NOCT: variants seen among roughly 807,000 people sequenced by gnomAD.
NOCT encodes the protein CCR4 carbon catabolite repression 4-like.
In NOCT, 18 loss-of-function variants were observed where a neutral mutation model predicts 35.0. That is an observed-to-expected ratio of 0.51 (90% CI 0.36 to 0.76). The LOEUF is 0.76. NOCT is among the 30% of genes least tolerant of loss of function. The pLI is 0.01. For synonymous variants in NOCT, 235 were observed against 226.3 expected, an observed-to-expected ratio of 1.04 and a Z score of -0.34; for missense variants, 479 against 541.0, an observed-to-expected ratio of 0.89 and a Z score of 1.14.
At chr4:139,036,578 T>C (rs1485212314) in intron 1 of NOCT, among the ~76,000 whole-genome samples, 2 of 152,252 alleles carry the variant, frequency 1.3e-5, no homozygotes, top group East Asian at 3.8e-4. Flanking sequence ...CTGATTGTTT[T>C]AACCCTTATT....
rs923118595 is a variant in NOCT, at chr4:139,045,910, C to T, written c.*436C>T. 1 of 153,484 alleles carries T rather than the reference C, an allele frequency of 6.5e-6. No individual in the cohort carries two copies. The highest frequency in any genetic ancestry group is 2.1e-4 in the South Asian group (1 of 4,864). The allele number at this position is 153,484 out of a possible 1,614,324, so 9.5% of individuals were successfully genotyped here. On this transcript the variant is annotated 3_prime_UTR_variant, in exon 3 of 3. Transcript: ENST00000280614. ...CCTTTAGTCCCTTTTTCAATTAAAA[C>T]CTATGGTGAAAAAGGCGTTTGCACT...
intron 1 of NOCT, among the ~76,000 whole-genome samples, chr4:139,039,170 CAAAAA>C (rs59445691): frequency 2.2e-5 from 2 of 91,336 alleles, no homozygotes; most frequent in South Asian, 4.7e-4. Context: ...GACTCCATTT[CAAAAA>C]AAAAAAAAAA....
chr4:139,036,719 T>TAA (rs1417457548), intron 1 of NOCT, among the ~76,000 whole-genome samples: 4 of 152,158 alleles, frequency 2.6e-5, no homozygotes, highest in Admixed American at 6.6e-5. Context: ...CATAACTCAA[T>TAA]AAAACTACAT....
chr4:139,021,696 T>G lies in NOCT; in HGVS notation c.190+5525T>G, dbSNP rs905114902. ...GTAATTGTGTTCTGGCTTCTTGGAG[T>G]TAGGAAGGGAGATACAGCGTCTGTA... On this transcript the variant is annotated intron_variant, in intron 1 of 2. Coordinates refer to ENST00000280614, the MANE Select transcript of NOCT (RefSeq NM_012118.4). Among the ~76,000 whole-genome samples, 38 of 151,664 alleles carry G rather than the reference T, an allele frequency of 2.5e-4. 1 individual carries two copies. The highest frequency in any genetic ancestry group is 7.3e-4 in the African/African-American group (30 of 41,350).
chr4:139,031,045 T>C (rs373757571), intron 1 of NOCT, among the ~76,000 whole-genome samples: 4 of 152,268 alleles, frequency 2.6e-5, no homozygotes, highest in African/African-American at 9.6e-5. Flanking sequence ...GAGAAGTAAT[T>C]AGACGCTGAA....
At chr4:139,018,089 C>T (rs1726345173) in intron 1 of NOCT, among the ~76,000 whole-genome samples, 1 of 150,732 alleles carries the variant, frequency 6.6e-6, no homozygotes, top group Non-Finnish European at 1.5e-5. Context: ...TTAGATTCCC[C>T]ACCCCCACCC....
In NOCT at chr4:139,041,219, C is replaced by T. The variant is rs371814396; in HGVS notation, c.191-1855C>T. ...AAAGCATGCTTGCATCCTCATTGAC[C>T]TTAATGTTCAAGGACATTTGGTGGT... On this transcript the variant is annotated intron_variant, in intron 1 of 2. Transcript: ENST00000280614. Among the ~76,000 whole-genome samples, 6 of 152,262 alleles carry T rather than the reference C, an allele frequency of 3.9e-5. No homozygotes were observed. In the East Asian group the frequency reaches 1.2e-3, roughly 29 times the overall value.
intron 1 of NOCT, among the ~76,000 whole-genome samples, chr4:139,022,804 T>TA (rs986390501): frequency 7.2e-5 from 11 of 152,118 alleles, no homozygotes; most frequent in African/African-American, 2.2e-4. Context: ...GCTTAGAAGT[T>TA]ACGATGCTGC....
At chr4:139,025,099 G>T (rs1462015309) in intron 1 of NOCT, among the ~76,000 whole-genome samples, 1 of 152,134 alleles carries the variant, frequency 6.6e-6, no homozygotes, top group Non-Finnish European at 1.5e-5. Flanking sequence ...TCCTGATCTG[G>T]TCTGCTTCTC....
At chr4:139,026,555 T>C (rs949588104) in intron 1 of NOCT, among the ~76,000 whole-genome samples, 43 of 147,016 alleles carry the variant, frequency 2.9e-4, no homozygotes, top group African/African-American at 9.6e-4. Context: ...TCATACTTCT[T>C]TTTTTTTTTT....
At chr4:139,025,834 C>CT (rs1726503320) in intron 1 of NOCT, among the ~76,000 whole-genome samples, 1 of 151,836 alleles carries the variant, frequency 6.6e-6, no homozygotes, top group South Asian at 2.1e-4. Flanking sequence ...AATATAGGCA[C>CT]TTTATTTCTT....
intron 1 of NOCT, among the ~76,000 whole-genome samples, chr4:139,037,662 A>T (rs138858924): frequency 6.6e-6 from 1 of 152,246 alleles, no homozygotes; most frequent in African/African-American, 2.4e-5. Context: ...CCCCGTTCTA[A>T]CCCAGATGCC....
intron 2 of NOCT, 71 bp from the exon 3 acceptor site, chr4:139,044,568 G>A (rs1726898485): frequency 2.1e-6 from 2 of 961,396 alleles, no homozygotes; most frequent in Admixed American, 4.2e-5. Flanking sequence ...CTTGAGTGAT[G>A]CCAAACCTCC....
chr4:139,043,416 T>C (rs758801927), intron 2 of NOCT, 73 bp downstream of exon 2: 10 of 1,433,610 alleles, frequency 7.0e-6, no homozygotes, highest in Non-Finnish European at 6.8e-6. Context: ...ACATCCACAG[T>C]GCACTGTTTT....
chr4:139,044,575 C>T, intron 2 of NOCT, 64 bp from the exon 3 acceptor site: 1 of 1,035,310 alleles, frequency 9.7e-7, no homozygotes. Context: ...GATGCCAAAC[C>T]TCCTGGGTAC....
At chr4:139,039,671 G>A (rs1411070115) in intron 1 of NOCT, among the ~76,000 whole-genome samples, 4 of 151,452 alleles carry the variant, frequency 2.6e-5, no homozygotes, top group African/African-American at 7.3e-5. Flanking sequence ...TCTTTTTGGT[G>A]TCTAATTTCT....
At chr4:139,042,972 G>A (rs1410545991) in intron 1 of NOCT, 102 bp from the exon 2 acceptor site, 7 of 1,055,984 alleles carry the variant, frequency 6.6e-6, no homozygotes, top group Non-Finnish European at 9.6e-6. Flanking sequence ...CAACAATTGA[G>A]CTCCTGGTTT....
rs1726924027 is a variant in NOCT, at chr4:139,045,567, AGTACAGTGG to A, written c.*94_*102del. Reference sequence around the variant, plus strand: ...AGTCTCGCTCTGTTGCCTAGGCTGGAGTACAGTGGCCTGATCTCGGCTCACTGCAAGATC... The same window carrying A: ...AGTCTCGCTCTGTTGCCTAGGCTGGACCTGATCTCGGCTCACTGCAAGATC... On this transcript the variant is annotated 3_prime_UTR_variant, in exon 3 of 3. Transcript: ENST00000280614. 2.9e-6 allele frequency: 2 copies of A among 681,728 alleles called. No homozygotes were observed. Among genetic ancestry groups the A allele is most frequent in the South Asian group, 2.1e-5 (1 of 47,626 alleles). 42.2% of individuals were successfully genotyped at this position (681,728 alleles called of 1,614,324 possible).
intron 1 of NOCT, among the ~76,000 whole-genome samples, chr4:139,040,508 T>A (rs962726711): frequency 1.6e-4 from 24 of 152,200 alleles, no homozygotes; most frequent in Non-Finnish European, 4.4e-5. Context: ...GGTTCAGGAT[T>A]GCTTTTCTGA....
Sources: allele counts gnomAD v4.1 joint callset (sites outside exome capture counted in the v4.1 genomes callset), GRCh38; gene constraint gnomAD v4.1.1; transcripts MANE v1.5; gene names NCBI Gene and HGNC (gene_info 2026-07-23, HGNC 2026-07-21).